Variants in RABGAP1L observed in about 807,000 individuals in gnomAD.
The protein encoded by RABGAP1L is RAB GTPase activating protein 1 like, also known as rab GTPase-activating protein 1-like.
Under a neutral mutation model 137.7 loss-of-function variants are expected in RABGAP1L, and 63 were observed. The observed-to-expected ratio is 0.46, with a 90% confidence interval of 0.37 to 0.56. RABGAP1L has a LOEUF of 0.56. Among genes scored for constraint, RABGAP1L ranks in the 20% least tolerant of loss-of-function variants. The pLI, the probability that RABGAP1L is intolerant of heterozygous loss-of-function variation, is 0.00. For synonymous variants in RABGAP1L, 431 were observed against 433.7 expected, an observed-to-expected ratio of 0.99 and a Z score of 0.08; for missense variants, 1,095 against 1,244.0, an observed-to-expected ratio of 0.88 and a Z score of 1.80.
At chr1:174,502,653 T>TATATATGTGTGTATATATATGTAC (rs1661419724) in intron 13 of RABGAP1L, among the ~76,000 whole-genome samples, 1 of 148,322 alleles carries the variant, frequency 6.7e-6, no homozygotes, top group East Asian at 1.9e-4. Context: ...TATATGTACA[T>TATATATGTGTGTATATATATGTAC]ATATATGTGT....
chr1:174,211,650 G>A (rs1668893263), intron 1 of RABGAP1L, among the ~76,000 whole-genome samples: 1 of 151,982 alleles, frequency 6.6e-6, no homozygotes, highest in Admixed American at 6.6e-5. Flanking sequence ...GAATGTAAAT[G>A]GATTAAACTC....
chr1:174,313,918 T>C (rs79212359), intron 11 of RABGAP1L, among the ~76,000 whole-genome samples: 9,253 of 152,220 alleles, frequency 0.061, 401 homozygotes, highest in Non-Finnish European at 0.09. Flanking sequence ...GGTATTTTGT[T>C]GATGATTTTT....
intron 17 of RABGAP1L, among the ~76,000 whole-genome samples, chr1:174,714,964 A>G (rs1055844629): frequency 1.3e-5 from 2 of 152,226 alleles, no homozygotes; most frequent in African/African-American, 4.8e-5. Context: ...GACAAGCTAT[A>G]TATTAGCTTG....
At chr1:174,739,393 T>A (rs1683205787) in intron 17 of RABGAP1L, among the ~76,000 whole-genome samples, 1 of 152,206 alleles carries the variant, frequency 6.6e-6, no homozygotes, top group African/African-American at 2.4e-5. Context: ...GGTTAGAAGT[T>A]GTAGATTTTA....
intron 13 of RABGAP1L, among the ~76,000 whole-genome samples, chr1:174,600,414 A>G (rs999139055): frequency 2.6e-5 from 4 of 152,178 alleles, no homozygotes; most frequent in African/African-American, 9.7e-5. Context: ...CATTAACCCA[A>G]AAGTCCACAG....
At chr1:174,842,173 A>G (rs1304908637) in intron 19 of RABGAP1L, among the ~76,000 whole-genome samples, 1 of 152,120 alleles carries the variant, frequency 6.6e-6, no homozygotes, top group Admixed American at 6.5e-5. Flanking sequence ...CACTTAGTCC[A>G]TTTTTCTGTT....
intron 11 of RABGAP1L, among the ~76,000 whole-genome samples, chr1:174,363,150 C>T (rs1172245624): frequency 6.6e-6 from 1 of 152,062 alleles, no homozygotes; most frequent in Non-Finnish European, 1.5e-5. Flanking sequence ...TGTGTCTGTT[C>T]TTATATCAGT....
At chr1:174,254,704 A>G (rs11807537) in intron 7 of RABGAP1L, among the ~76,000 whole-genome samples, 44,784 of 152,062 alleles carry the variant, frequency 0.29, 7,019 homozygotes, top group African/African-American at 0.37. Flanking sequence ...TCCGTGGTGT[A>G]TATGTGCCAC....
intron 19 of RABGAP1L, among the ~76,000 whole-genome samples, chr1:174,927,244 T>TAATTTGCC (rs1256536250): frequency 6.6e-6 from 1 of 152,234 alleles, no homozygotes; most frequent in Non-Finnish European, 1.5e-5. Context: ...GTTCAAATTC[T>TAATTTGCC]AATTTGCCAA....
At chr1:174,546,747 T>G (rs1201466436) in intron 13 of RABGAP1L, among the ~76,000 whole-genome samples, 1 of 152,176 alleles carries the variant, frequency 6.6e-6, no homozygotes, top group Non-Finnish European at 1.5e-5. Context: ...GATAAAGCAG[T>G]TGGCCGGGCG....
In RABGAP1L at chr1:174,893,185, G is replaced by A. The variant is rs548984231; in HGVS notation, c.2341-64272G>A. On this transcript the variant is annotated intron_variant, in intron 19 of 25. Transcript: ENST00000681986. ...ATTAGTGAATAAGAAGTTTAATTTG[G>A]CATAATTTCTTCAAGAATCAGATAT... 10 of 173,230 alleles carry A rather than the reference G, an allele frequency of 5.8e-5. No individual in the cohort carries two copies. In the South Asian group the frequency reaches 1.1e-3, roughly 19 times the overall value. The allele number at this position is 173,230 out of a possible 1,614,324, so 10.7% of individuals were successfully genotyped here. A position where few individuals can be genotyped will look rare whatever the true frequency, so the allele number is the denominator to read the frequency against.
In RABGAP1L at chr1:174,353,181, C is replaced by T. The variant is rs185125983; in HGVS notation, c.1466-17798C>T. On this transcript the variant is annotated intron_variant, in intron 11 of 25. Transcript: ENST00000681986. ...TTTTCCCTTTTGACCTAGAGTGTGT[C>T]GTGAAATGTTATCTGAGAGCGAGGG... is the stretch of plus-strand genomic sequence containing the variant. 2.8e-3 allele frequency among the ~76,000 whole-genome samples: 433 copies of T among 152,208 alleles called. 5 individuals carry two copies. Among genetic ancestry groups the T allele is most frequent in the African/African-American group, 9.9e-3 (413 of 41,528 alleles).
chr1:174,201,212 C>A (rs1456153704), intron 1 of RABGAP1L, among the ~76,000 whole-genome samples: 2 of 151,866 alleles, frequency 1.3e-5, no homozygotes, highest in African/African-American at 4.8e-5. Context: ...GTCGCAGGCT[C>A]CCAAAGTGTT....
At chr1:174,684,049 T>G (rs1162200813) in intron 15 of RABGAP1L, among the ~76,000 whole-genome samples, 1 of 152,246 alleles carries the variant, frequency 6.6e-6, no homozygotes, top group Non-Finnish European at 1.5e-5. Flanking sequence ...GTTATAAAGA[T>G]GAATCATTTA....
chr1:174,970,921 A>T lies in RABGAP1L; in HGVS notation c.2544+1534A>T, dbSNP rs557301368. Reference sequence around the variant, plus strand: ...GAAAATAATGATAAAGTATTTTTTTAAAAAATACTTTTTTTTTTCTGTAAA... The same window carrying T: ...GAAAATAATGATAAAGTATTTTTTTTAAAAATACTTTTTTTTTTCTGTAAA... On this transcript the variant is annotated intron_variant, in intron 21 of 25. Transcript: ENST00000681986. Among the ~76,000 whole-genome samples, 69 of 152,166 alleles carry T rather than the reference A, an allele frequency of 4.5e-4. 1 individual carries two copies. Among genetic ancestry groups the T allele is most frequent in the Middle Eastern group, 6.8e-3 (2 of 294 alleles).
chr1:174,419,095 A>G (rs1279965653), intron 13 of RABGAP1L, among the ~76,000 whole-genome samples: 1 of 152,202 alleles, frequency 6.6e-6, no homozygotes, highest in East Asian at 1.9e-4. Context: ...ACCTCTCTTC[A>G]TTCAAGTCTT....
intron 18 of RABGAP1L, among the ~76,000 whole-genome samples, chr1:174,806,420 CA>C (rs1183576657): frequency 6.6e-6 from 1 of 152,048 alleles, no homozygotes; most frequent in Non-Finnish European, 1.5e-5. Context: ...GGCAACATAG[CA>C]AAACCCCATC....
chr1:174,632,973 G>A (rs76392047), intron 13 of RABGAP1L, among the ~76,000 whole-genome samples: 31 of 151,974 alleles, frequency 2.0e-4, no homozygotes, highest in Admixed American at 3.9e-4. Flanking sequence ...GGCGCTCTGC[G>A]TTTTAGAGTT....
intron 4 of RABGAP1L, among the ~76,000 whole-genome samples, chr1:174,232,651 C>T (rs191189795): frequency 1.1e-4 from 16 of 151,414 alleles, no homozygotes; most frequent in African/African-American, 2.7e-4. Context: ...GGCATGGTGG[C>T]GGGCGCCTGT....
Sources: allele counts gnomAD v4.1 joint callset (sites outside exome capture counted in the v4.1 genomes callset), GRCh38; gene constraint gnomAD v4.1.1; transcripts MANE v1.5; gene names NCBI Gene and HGNC (gene_info 2026-07-23, HGNC 2026-07-21).